The following MTO1 variants were observed in gnomAD, a reference collection of about 807,000 sequenced individuals.
The protein encoded by MTO1 is 5-taurinomethyluridine-[tRNA] synthase subunit MTO1, mitochondrial.
In MTO1, 46 loss-of-function variants were observed where a neutral mutation model predicts 71.6. The observed-to-expected ratio is 0.64, with a 90% confidence interval of 0.51 to 0.82. The LOEUF is 0.82. MTO1 is among the 40% of genes least tolerant of loss of function. The pLI is 0.00. For synonymous variants in MTO1, 297 were observed against 312.1 expected, an observed-to-expected ratio of 0.95 and a Z score of 0.51; for missense variants, 773 against 867.5, an observed-to-expected ratio of 0.89 and a Z score of 1.37.
At position 73,480,062 on chromosome 6, in the gene MTO1, T is replaced by G. The variant is rs762308720; in HGVS notation, c.1065T>G (p.Ala355=). Residue 355 remains alanine (A), a synonymous_variant, in exon 6 of 12, where the codon GCT becomes GCG. Transcript: ENST00000498286. Reference sequence around the variant, plus strand: ...AGGGGTTATCTATGACGCTACCAGCTGAGTTACAAGAGAAAATGATCACAT... The same window carrying G: ...AGGGGTTATCTATGACGCTACCAGCGGAGTTACAAGAGAAAATGATCACAT... The part of the protein sequence containing the change: ...YPQGLSMTLP[A]ELQEKMITCI... 6.2e-7 allele frequency: 1 copy of G among 1,614,186 alleles called. No individual in the cohort carries two copies. The highest frequency in any genetic ancestry group is 1.7e-5 in the Admixed American group (1 of 60,014).
rs1236231867 is a variant in MTO1, at chr6:73,507,195, T to G, written c.*6460T>G. On this transcript the variant is annotated 3_prime_UTR_variant, in exon 12 of 12. Transcript: ENST00000498286. ...AAAATGTATTTCAGGCCAGGTATGGTGGTTCACACCTGTAATCCCAGCACT... is the reference window on the plus strand; with the variant it reads ...AAAATGTATTTCAGGCCAGGTATGGGGGTTCACACCTGTAATCCCAGCACT... The G allele has an allele frequency of 1.3e-5, 2 of 152,184 alleles. No homozygotes were observed. Among genetic ancestry groups the G allele is most frequent in the Non-Finnish European group, 2.9e-5 (2 of 68,060 alleles). The allele number at this position is 152,184 out of a possible 1,614,324, so 9.4% of individuals were successfully genotyped here.
intron 4 of MTO1, among the ~76,000 whole-genome samples, chr6:73,476,378 C>CAAAA (rs869185503): frequency 4.8e-5 from 3 of 62,904 alleles, no homozygotes; most frequent in African/African-American, 5.2e-5. Flanking sequence ...GACTCCATCT[C>CAAAA]AAAAAAAAAA....
intron 4 of MTO1, among the ~76,000 whole-genome samples, chr6:73,477,556 G>A (rs1203609108): frequency 6.7e-6 from 1 of 150,370 alleles, no homozygotes; most frequent in South Asian, 2.1e-4. Flanking sequence ...GCCCAGGCTG[G>A]AGTGCAGTGG....
At chr6:73,473,277 CAGATAGATAGAT>C (rs138624045) in intron 3 of MTO1, 76 bp from the exon 4 acceptor site, 3 of 1,282,446 alleles carry the variant, frequency 2.3e-6, no homozygotes, top group South Asian at 1.5e-5. Flanking sequence ...GACTTCATCT[CAGATAGATAGAT>C]AGATAGATAG....
chr6:73,480,461 G>C lies in MTO1; in HGVS notation c.1130-214G>C, dbSNP rs1217116192. 8.4e-6 allele frequency: 5 copies of C among 595,688 alleles called. No homozygotes were observed. The African/African-American group carries it at 9.2e-5, about 11-fold the overall frequency. The allele number at this position is 595,688 out of a possible 1,614,324, so 36.9% of individuals were successfully genotyped here. A position where few individuals can be genotyped will look rare whatever the true frequency, so the allele number is the denominator to read the frequency against. On this transcript the variant is annotated intron_variant, in intron 6 of 11. Transcript: ENST00000498286. ...AATTTTGTATTTTTAGTAGAGACAG[G>C]GTTTCTCCCTGTTGGTCAGGCTGGT...
chr6:73,482,949 G>A (rs1771554973), intron 9 of MTO1, among the ~76,000 whole-genome samples: 1 of 151,482 alleles, frequency 6.6e-6, no homozygotes, highest in Admixed American at 6.6e-5. Context: ...CTGCCACCGC[G>A]CCCGGCTAAT....
intron 10 of MTO1, 103 bp from the exon 11 acceptor site, chr6:73,497,633 T>G (rs1772025336): frequency 2.5e-6 from 3 of 1,176,596 alleles, no homozygotes; most frequent in Non-Finnish European, 3.6e-6. Flanking sequence ...AATGAGATGA[T>G]GTACACAAAA....
chr6:73,481,984 G>T, intron 7 of MTO1, 56 bp from the exon 8 acceptor site: 1 of 1,584,062 alleles, frequency 6.3e-7, no homozygotes, highest in Non-Finnish European at 8.7e-7. Context: ...GTTCTGAATG[G>T]GATAGCCGTT....
At chr6:73,464,494 T>G (rs1019954044) in intron 1 of MTO1, among the ~76,000 whole-genome samples, 5 of 151,784 alleles carry the variant, frequency 3.3e-5, no homozygotes, top group African/African-American at 7.2e-5. Flanking sequence ...CTTGTGGAGG[T>G]CTTGTCTGGG....
rs1365093043 is a variant in MTO1 at position 73,480,262 on chromosome 6, G to A, written c.1129+136G>A. 3.2e-6 allele frequency: 3 copies of A among 935,912 alleles called. No homozygotes were observed. The Admixed American group carries it at 6.0e-5, about 19-fold the overall frequency. 58.0% of individuals were successfully genotyped at this position (935,912 alleles called of 1,614,324 possible). ...AACACCTATACATTTTAAATAGTCT[G>A]TTTTTTGTTTGTTTGTTTGTTTGTT... On this transcript the variant is annotated intron_variant, in intron 6 of 11. Coordinates refer to ENST00000498286, the MANE Select transcript of MTO1 (RefSeq NM_012123.4).
chr6:73,496,462 ATTTTCTTTTTT>A (rs1290145040), intron 10 of MTO1, among the ~76,000 whole-genome samples: 2 of 149,798 alleles, frequency 1.3e-5, no homozygotes, highest in African/African-American at 2.5e-5. Flanking sequence ...TTAAAAAACC[ATTTTCTTTTTT>A]TTTTCTTTTT....
chr6:73,480,382 T>C, intron 6 of MTO1: 1 of 654,826 alleles, frequency 1.5e-6, no homozygotes, highest in Non-Finnish European at 2.8e-6. Flanking sequence ...GTGATTCTTC[T>C]GCCTCAGCCT....
chr6:73,499,452 G>T (rs1441419479), intron 11 of MTO1, among the ~76,000 whole-genome samples: 3 of 150,960 alleles, frequency 2.0e-5, no homozygotes, highest in African/African-American at 7.3e-5. Flanking sequence ...AGCCCAGGAG[G>T]TAGAGGCTGC....
chr6:73,483,706 G>C (rs1232225252), intron 9 of MTO1, among the ~76,000 whole-genome samples: 1 of 151,420 alleles, frequency 6.6e-6, no homozygotes, highest in Non-Finnish European at 1.5e-5. Flanking sequence ...CAACCTCCCA[G>C]CTTCTGGGTT....
chr6:73,471,997 G>A (rs1016117417), intron 3 of MTO1, among the ~76,000 whole-genome samples: 1 of 100,122 alleles, frequency 1.0e-5, no homozygotes, highest in African/African-American at 3.1e-5. Context: ...TTTACTGTAA[G>A]GTAGAGCTAT....
intron 4 of MTO1, among the ~76,000 whole-genome samples, chr6:73,475,120 T>A (rs921424872): frequency 3.9e-5 from 6 of 152,014 alleles, no homozygotes; most frequent in South Asian, 2.1e-4. Context: ...TTTTAAAAAA[T>A]TTTTTCATTT....
At chr6:73,472,238 C>G (rs1046277246) in intron 3 of MTO1, among the ~76,000 whole-genome samples, 1 of 152,138 alleles carries the variant, frequency 6.6e-6, no homozygotes, top group Non-Finnish European at 1.5e-5. Context: ...CACTTTCTAT[C>G]TTTCAAAAAT....
chr6:73,473,734 T>TG, intron 4 of MTO1, 80 bp downstream of exon 4: 4 of 1,261,346 alleles, frequency 3.2e-6, no homozygotes, highest in Non-Finnish European at 4.4e-6. Context: ...TTTTTTTTTT[T>TG]TTTTGGCAGC....
At chr6:73,491,486 C>A (rs1771804404) in intron 9 of MTO1, among the ~76,000 whole-genome samples, 1 of 151,934 alleles carries the variant, frequency 6.6e-6, no homozygotes, top group Admixed American at 6.6e-5. Flanking sequence ...TTAAAACATG[C>A]TCATAATGGC....
Sources: gnomAD v4.1 joint callset for allele counts (sites outside exome capture counted in the v4.1 genomes callset) on GRCh38, gnomAD v4.1.1 for gene constraint, MANE v1.5 for transcripts, NCBI Gene and HGNC (gene_info 2026-07-23, HGNC 2026-07-21) for gene names.